The following DENND3 variants were observed in gnomAD, a reference collection of about 807,000 sequenced individuals.
The protein encoded by DENND3 is DENN domain-containing protein 3.
A neutral mutation model predicts 135.1 loss-of-function variants in DENND3; 88 were observed. The observed-to-expected ratio is 0.65, with a 90% CI of 0.55 to 0.78. DENND3 has a LOEUF of 0.78. Ranked by LOEUF, DENND3 falls within the 30% of genes least tolerant of loss-of-function variation. The pLI, the probability that DENND3 is intolerant of heterozygous loss-of-function variation, is 0.00. For synonymous variants in DENND3, 693 were observed against 712.3 expected (o/e 0.97, Z 0.43); for missense variants, 1,392 against 1,688.4 (o/e 0.82, Z 3.08).
In DENND3 at chr8:141,141,973, G is replaced by A. The variant is rs1235507101; in HGVS notation, c.623+649G>A. 4.6e-6 allele frequency: 1 copy of A among 217,456 alleles called. No homozygotes were observed. The highest frequency in any genetic ancestry group is 5.3e-5 in the Admixed American group (1 of 18,934). The allele number at this position is 217,456 out of a possible 1,614,324, so 13.5% of individuals were successfully genotyped here. A position where few individuals can be genotyped will look rare whatever the true frequency, so the allele number is the denominator to read the frequency against. ...GCAGGAGGATGGCTTAAGCCTAGGA[G>A]TTCAAGGCTGCAGTGAGCTGTGATT... On this transcript the variant is annotated intron_variant, in intron 4 of 22. Transcript: ENST00000519811. This position sits in a 1 kb window ranked among gnomAD's most constrained non-coding sequence, Gnocchi z 5.3.
chr8:141,189,273 A>C, intron 19 of DENND3, 127 bp downstream of exon 19: 1 of 1,297,134 alleles, frequency 7.7e-7, no homozygotes, highest in Non-Finnish European at 1.1e-6. Context: ...AAGTGGATCT[A>C]GAACGAGGAA....
At chr8:141,179,430 G>A (rs545773884) in intron 16 of DENND3, among the ~76,000 whole-genome samples, 91 of 152,324 alleles carry the variant, frequency 6.0e-4, no homozygotes, top group African/African-American at 2.0e-3. Context: ...AGCGCATGAC[G>A]GCAGACGAGG....
chr8:141,181,640 C>G (rs73713356), intron 17 of DENND3, among the ~76,000 whole-genome samples: 1 of 152,128 alleles, frequency 6.6e-6, no homozygotes, highest in Non-Finnish European at 1.5e-5. Flanking sequence ...TCATGTCGCA[C>G]GTTGAAACTG....
chr8:141,171,518 G>A (rs1461087458), intron 13 of DENND3, among the ~76,000 whole-genome samples: 1 of 152,220 alleles, frequency 6.6e-6, no homozygotes, highest in Non-Finnish European at 1.5e-5. Flanking sequence ...CAGTTGTATT[G>A]GAGGCGTGTG....
chr8:141,138,181 T>G lies in DENND3; in HGVS notation c.501+44T>G. ...TCCCCTCTGAAATTGGGTTTAGATT[T>G]TTTATTATGGTGAAATACACATAAC... On this transcript the variant is annotated intron_variant, in intron 3 of 22. Coordinates refer to ENST00000519811, the MANE Select transcript of DENND3 (RefSeq NM_001352890.3). This position sits in a 1 kb window ranked among gnomAD's most constrained non-coding sequence, Gnocchi z 4.8. 6.5e-7 allele frequency: 1 copy of G among 1,544,372 alleles called. No homozygotes were observed. The highest frequency in any genetic ancestry group is 8.8e-7 in the Non-Finnish European group (1 of 1,137,542).
rs193063021 is a variant in DENND3, at chr8:141,150,987, G to A, written c.855+34G>A. 61 of 1,491,708 alleles carry A rather than the reference G, an allele frequency of 4.1e-5. No individual in the cohort carries two copies. The Admixed American group carries it at 1.1e-3, about 26-fold the overall frequency. The allele number at this position is 1,491,708 out of a possible 1,614,324, so 92.4% of individuals were successfully genotyped here. Reference sequence around the variant, plus strand: ...CCCCGCCCCGGCGAGCGCGTCTTGTGCTCCCTGCCTTAGTGGGGCATCAGA... The same window carrying A: ...CCCCGCCCCGGCGAGCGCGTCTTGTACTCCCTGCCTTAGTGGGGCATCAGA... On this transcript the variant is annotated intron_variant, in intron 6 of 22. Coordinates refer to ENST00000519811, the MANE Select transcript of DENND3 (RefSeq NM_001352890.3).
chr8:141,143,376 C>T (rs921523564), intron 4 of DENND3, among the ~76,000 whole-genome samples: 14 of 152,140 alleles, frequency 9.2e-5, no homozygotes, highest in African/African-American at 3.1e-4. Flanking sequence ...CACCCATTAA[C>T]TCGTCATTTA....
Position 141,144,090 on chromosome 8 carries a change from AT to A in DENND3, c.624-57del, listed in dbSNP as rs1431070209. The A allele has an allele frequency of 2.1e-6, 3 of 1,449,204 alleles. No individual in the cohort carries two copies. The African/African-American group carries it at 4.4e-5, about 21-fold the overall frequency. 89.8% of individuals were successfully genotyped at this position (1,449,204 alleles called of 1,614,324 possible). A position where few individuals can be genotyped will look rare whatever the true frequency, so the allele number is the denominator to read the frequency against. On this transcript the variant is annotated intron_variant, in intron 4 of 22. Transcript: ENST00000519811. The surrounding 1 kb of genome is among the most constrained non-coding windows in gnomAD (Gnocchi z 4.4). Reference sequence around the variant, plus strand: ...TCCAGTGTGATTAGAAACGCTAACGATGACAACTGCGTTCTCATCTTTATTT... The same window carrying A: ...TCCAGTGTGATTAGAAACGCTAACGAGACAACTGCGTTCTCATCTTTATTT...
At chr8:141,169,431 G>A (rs1386796074) in intron 13 of DENND3, among the ~76,000 whole-genome samples, 3 of 152,244 alleles carry the variant, frequency 2.0e-5, no homozygotes, top group Non-Finnish European at 4.4e-5. Context: ...CTCCTTGTCC[G>A]GGAGAATTGC....
At chr8:141,186,772 A>AG (rs2154613498) in intron 18 of DENND3, among the ~76,000 whole-genome samples, 1 of 152,292 alleles carries the variant, frequency 6.6e-6, no homozygotes, top group Admixed American at 6.5e-5. Flanking sequence ...TGAGTGTGGA[A>AG]GCTGGGATTC....
Position 141,166,536 on chromosome 8 carries a change from T to C in DENND3, c.1753+147T>C. 1.1e-6 allele frequency: 1 copy of C among 942,566 alleles called. No homozygotes were observed. The highest frequency in any genetic ancestry group is 1.5e-6 in the Non-Finnish European group (1 of 649,604). The allele number at this position is 942,566 out of a possible 1,614,324, so 58.4% of individuals were successfully genotyped here. ...TTATTTGAAATGTTTAGAATATTCA[T>C]TTTGCCAAGGTATGCCTTCTAGAAA... On this transcript the variant is annotated intron_variant, in intron 12 of 22. Transcript: ENST00000519811. This position sits in a 1 kb window ranked among gnomAD's most constrained non-coding sequence, Gnocchi z 4.3.
At chr8:141,143,916 C>T in intron 4 of DENND3, 2 of 448,222 alleles carry the variant, frequency 4.5e-6, no homozygotes, top group Non-Finnish European at 7.9e-6. Flanking sequence ...AGAGCATGAC[C>T]AGGACTTCCC....
chr8:141,185,233 A>G lies in DENND3; in HGVS notation c.3039A>G (p.Ser1013=), dbSNP rs773095505. ...AGGTGACCGTGTTCAATGCTTCTTC[A>G]TGGACCATCCACCAGCACTCCTTTA... The part of the protein sequence containing the change: ...EGKVTVFNAS[S]WTIHQHSFKV... The change falls in exon 18 of 23, where the codon TCA becomes TCG. Residue 1013 remains serine, a synonymous_variant. Coordinates refer to ENST00000519811, the MANE Select transcript of DENND3 (RefSeq NM_001352890.3). 6 of 1,614,232 alleles carry G rather than the reference A, an allele frequency of 3.7e-6. No individual in the cohort carries two copies. The highest frequency in any genetic ancestry group is 5.1e-6 in the Non-Finnish European group (6 of 1,180,042).
At position 141,189,010 on chromosome 8, in the gene DENND3, A is replaced by G; in HGVS notation, c.3109A>G (p.Asn1037Asp). Residue 1037 changes from asparagine to aspartate, a missense_variant, in exon 19 of 23, where the codon AAC becomes GAC. Transcript: ENST00000519811. ...KVNCMVMADQNQVWVGSEDSV... is the reference protein window; with the variant it reads ...KVNCMVMADQDQVWVGSEDSV... Reference sequence around the variant, plus strand: ...GAACTGCATGGTGATGGCCGACCAGAACCAGGTGTGGGTTGGCTCGGAAGA... The same window carrying G: ...GAACTGCATGGTGATGGCCGACCAGGACCAGGTGTGGGTTGGCTCGGAAGA... The G allele has an allele frequency of 6.2e-7, 1 of 1,614,010 alleles. No homozygotes were observed. The highest frequency in any genetic ancestry group is 8.5e-7 in the Non-Finnish European group (1 of 1,179,958).
rs1308213865 is a variant in DENND3 at position 141,154,297 on chromosome 8, C to T, written c.1075-1552C>T. Among the ~76,000 whole-genome samples the T allele has an allele frequency of 6.6e-6, 1 of 152,204 alleles. No individual in the cohort carries two copies. The highest frequency in any genetic ancestry group is 2.4e-5 in the African/African-American group (1 of 41,450). On this transcript the variant is annotated intron_variant, in intron 7 of 22. Transcript: ENST00000519811. The surrounding 1 kb of genome is among the most constrained non-coding windows in gnomAD (Gnocchi z 4.4). Reference sequence around the variant, plus strand: ...GACTCAGTATTTGTGTACTCTGTCACAGGAGCCTCTCCAAGTCATCATGTG... The same window carrying T: ...GACTCAGTATTTGTGTACTCTGTCATAGGAGCCTCTCCAAGTCATCATGTG...
chr8:141,158,537 G>T (rs1486896379), intron 8 of DENND3, among the ~76,000 whole-genome samples: 6 of 152,194 alleles, frequency 3.9e-5, no homozygotes, highest in Non-Finnish European at 8.8e-5. Context: ...AGACTCTTTT[G>T]TAAACACAAG....
intron 5 of DENND3, among the ~76,000 whole-genome samples, chr8:141,149,163 G>T (rs1818496002): frequency 6.6e-6 from 1 of 152,160 alleles, no homozygotes; most frequent in Admixed American, 6.5e-5. Context: ...GCCCGCCTCA[G>T]CCTCCCAAAG....
At position 141,141,918 on chromosome 8, in the gene DENND3, C is replaced by A. The variant is rs1048234403; in HGVS notation, c.623+594C>A. 1 of 194,354 alleles carries A rather than the reference C, an allele frequency of 5.1e-6. No individual in the cohort carries two copies. Among genetic ancestry groups the A allele is most frequent in the South Asian group, 7.7e-5 (1 of 13,034 alleles). 12.0% of individuals were successfully genotyped at this position (194,354 alleles called of 1,614,324 possible). On this transcript the variant is annotated intron_variant, in intron 4 of 22. Coordinates refer to ENST00000519811, the MANE Select transcript of DENND3 (RefSeq NM_001352890.3). This position sits in a 1 kb window ranked among gnomAD's most constrained non-coding sequence, Gnocchi z 5.3. ...AACTAGTTGGGCATGGTGGTGTGTG[C>A]CTGTAGTCCCAGCTACTGGGAAGGC...
chr8:141,150,200 G>A (rs1281039364), intron 5 of DENND3: 2 of 668,900 alleles, frequency 3.0e-6, no homozygotes, highest in African/African-American at 1.9e-5. Context: ...GCAGGAACTC[G>A]CTGTTTGCAG....
Sources: gnomAD v4.1 joint callset for allele counts (sites outside exome capture counted in the v4.1 genomes callset) on GRCh38, gnomAD v4.1.1 for gene constraint, Gnocchi (gnomAD v3.1) non-coding constraint, MANE v1.5 for transcripts, NCBI Gene and HGNC (gene_info 2026-07-23, HGNC 2026-07-21) for gene names.